The following DBF4B variants were observed in gnomAD, a reference collection of about 807,000 sequenced individuals.
DBF4B encodes protein DBF4 homolog B.
Under a neutral mutation model 53.4 loss-of-function variants are expected in DBF4B, and 49 were observed. The observed-to-expected ratio is 0.92, with a 90% CI of 0.73 to 1.16. DBF4B has a LOEUF of 1.16. Ranked by LOEUF, DBF4B falls within the 50% of genes most tolerant of loss-of-function variation. The pLI, the probability that DBF4B is intolerant of heterozygous loss-of-function variation, is 0.00. For synonymous variants in DBF4B, 257 were observed against 288.7 expected (o/e 0.89, Z 1.11); for missense variants, 692 against 775.0 (o/e 0.89, Z 1.27).
intron 6 of DBF4B, chr17:44,732,680 A>G (rs1974947571): frequency 6.2e-6 from 1 of 160,598 alleles, no homozygotes; most frequent in African/African-American, 2.4e-5. Flanking sequence ...AGCCTGACCA[A>G]CGTGGTGAAA....
In DBF4B at chr17:44,731,012, C is replaced by T. The variant is rs754338613; in HGVS notation, c.465C>T (p.Asn155=). The change falls in exon 5 of 14, where the codon AAC becomes AAT. Residue 155 remains asparagine, a synonymous_variant. Transcript: ENST00000315005. ...GKELLQKAIR[N]QGSISGGGSG... ...AGCTGCTGCAGAAGGCTATCAGAAA[C>T]CAGGTGAGCTGGGGCAAGATGGGAC... 7 of 1,613,950 alleles carry T rather than the reference C, an allele frequency of 4.3e-6. No individual in the cohort carries two copies. The East Asian group carries it at 8.9e-5, about 21-fold the overall frequency.
chr17:44,751,479 C>T lies in DBF4B; in HGVS notation c.*226C>T. The T allele has an allele frequency of 1.0e-5, 14 of 1,406,850 alleles. No individual in the cohort carries two copies. The highest frequency in any genetic ancestry group is 1.3e-5 in the Non-Finnish European group (14 of 1,085,256). The allele number at this position is 1,406,850 out of a possible 1,614,324, so 87.1% of individuals were successfully genotyped here. A position where few individuals can be genotyped will look rare whatever the true frequency, so the allele number is the denominator to read the frequency against. On this transcript the variant is annotated 3_prime_UTR_variant, in exon 14 of 14. Coordinates refer to ENST00000315005, the MANE Select transcript of DBF4B (RefSeq NM_145663.3). ...TTGCCGTTTCTTTCTGAAGAGGTGT[C>T]CTCCCTCCACAAGTCACACTGTCTG...
At chr17:44,734,453 A>C (rs931346194) in intron 7 of DBF4B, among the ~76,000 whole-genome samples, 2 of 152,214 alleles carry the variant, frequency 1.3e-5, no homozygotes, top group African/African-American at 4.8e-5. Context: ...TCTGGACCAG[A>C]TAAAGTTCAT....
At chr17:44,722,540 G>A (rs1973942761) in intron 2 of DBF4B, among the ~76,000 whole-genome samples, 1 of 152,138 alleles carries the variant, frequency 6.6e-6, no homozygotes. Context: ...GTGAATCTCG[G>A]CCCTCTTTTC....
intron 2 of DBF4B, among the ~76,000 whole-genome samples, chr17:44,720,924 TC>T: frequency 6.6e-6 from 1 of 151,984 alleles, no homozygotes; most frequent in African/African-American, 2.4e-5. Flanking sequence ...AGTAGTGTAA[TC>T]TTAACTCTTA....
In DBF4B at chr17:44,722,847, C is replaced by G. The variant is rs201402472; in HGVS notation, c.83-33C>G. On this transcript the variant is annotated intron_variant, in intron 2 of 13. Coordinates refer to ENST00000315005, the MANE Select transcript of DBF4B (RefSeq NM_145663.3). ...CTGGCTTCAGGACTCTCTTTTCAAA[C>G]TTCTTACTTTGCTCCTCTTTATTGT... The G allele has an allele frequency of 8.1e-6, 13 of 1,611,064 alleles. No individual in the cohort carries two copies. In the South Asian group the frequency reaches 1.3e-4, roughly 16 times the overall value.
At chr17:44,716,086 A>G (rs1027972743) in intron 2 of DBF4B, among the ~76,000 whole-genome samples, 3 of 151,954 alleles carry the variant, frequency 2.0e-5, no homozygotes, top group African/African-American at 4.8e-5. Context: ...GGCCTCCCAA[A>G]GTGCTGGGAT....
intron 3 of DBF4B, among the ~76,000 whole-genome samples, chr17:44,726,462 G>C (rs1352627852): frequency 1.3e-5 from 2 of 150,356 alleles, no homozygotes; most frequent in Non-Finnish European, 3.0e-5. Context: ...GGGTCTCGCT[G>C]TGTTGGTCAG....
At chr17:44,731,308 T>TCCG in intron 5 of DBF4B, 1 of 344,308 alleles carries the variant, frequency 2.9e-6, no homozygotes, top group Non-Finnish European at 5.6e-6. Flanking sequence ...GAAGCCAGAC[T>TCCG]TCTTTTACAA....
intron 10 of DBF4B, among the ~76,000 whole-genome samples, chr17:44,746,069 A>G (rs962567241): frequency 6.6e-6 from 1 of 150,710 alleles, no homozygotes. Flanking sequence ...AAAAAAAAAA[A>G]AAAAGAAAGA....
intron 2 of DBF4B, among the ~76,000 whole-genome samples, chr17:44,717,476 G>A (rs1345318139): frequency 6.6e-6 from 1 of 152,032 alleles, no homozygotes; most frequent in Non-Finnish European, 1.5e-5. Flanking sequence ...GGAGGCCAAG[G>A]CAGGGGAATC....
chr17:44,727,430 A>G lies in DBF4B; in HGVS notation c.226-2475A>G, dbSNP rs568563134. ...CAAGACTCTGTCTCAAAAAGAAAAA[A>G]AAAAGAAAACAGCATGATAGTGCTT... is the stretch of plus-strand genomic sequence containing the variant. On this transcript the variant is annotated intron_variant, in intron 3 of 13. Transcript: ENST00000315005. 2.1e-4 allele frequency among the ~76,000 whole-genome samples: 32 copies of G among 152,236 alleles called. No homozygotes were observed. The East Asian group carries it at 6.0e-3, about 28-fold the overall frequency.
chr17:44,722,412 G>A (rs1260219156), intron 2 of DBF4B, among the ~76,000 whole-genome samples: 3 of 152,106 alleles, frequency 2.0e-5, no homozygotes, highest in Non-Finnish European at 4.4e-5. Context: ...TAAGCTAGGC[G>A]GCAACACTGC....
intron 11 of DBF4B, 58 bp downstream of exon 11, chr17:44,747,249 C>A (rs2049128115): frequency 1.9e-6 from 3 of 1,601,720 alleles, no homozygotes; most frequent in Non-Finnish European, 2.6e-6. Flanking sequence ...AGCCTGCTCA[C>A]TGGGGATGAG....
intron 13 of DBF4B, 52 bp downstream of exon 13, chr17:44,748,517 G>A (rs187350780): frequency 1.8e-5 from 29 of 1,611,004 alleles, no homozygotes; most frequent in African/African-American, 1.7e-4. Flanking sequence ...CCAGCTGAAC[G>A]TGCAGGGACT....
intron 3 of DBF4B, among the ~76,000 whole-genome samples, chr17:44,726,328 A>ATTTATTTC (rs1974337586): frequency 6.7e-6 from 1 of 148,172 alleles, no homozygotes; most frequent in South Asian, 2.1e-4. Context: ...TTATTTATTT[A>ATTTATTTC]TTTATTTTTG....
chr17:44,748,823 G>A (rs747181885), intron 13 of DBF4B: 60 of 1,295,720 alleles, frequency 4.6e-5, no homozygotes, highest in South Asian at 1.5e-4. Flanking sequence ...AGTGGCAAGC[G>A]TCTTCCCTCT....
rs376327035 is a variant in DBF4B, at chr17:44,738,416, T to C, written c.705T>C (p.Asp235=). 2.9e-5 allele frequency: 47 copies of C among 1,613,588 alleles called. No individual in the cohort carries two copies. Among genetic ancestry groups the C allele is most frequent in the Non-Finnish European group, 3.8e-5 (45 of 1,179,696 alleles). Residue 235 remains aspartate (D), a synonymous_variant, in exon 9 of 14, where the codon GAT becomes GAC. Transcript: ENST00000315005. ...AGGCCCCGTTCCTCAAAATCGAAGA[T>C]GAAAGCAGGTGAGTGGGACCTCCTT... ...RLKAPFLKIE[D]ESRKFRPFHH...
At chr17:44,736,973 C>G in intron 8 of DBF4B, 107 bp downstream of exon 8, 2 of 1,336,496 alleles carry the variant, frequency 1.5e-6, no homozygotes, top group South Asian at 2.4e-5. Flanking sequence ...TGGCAGCAAG[C>G]GAGTCCAGGT....
Sources: allele counts gnomAD v4.1 joint callset (sites outside exome capture counted in the v4.1 genomes callset), GRCh38; gene constraint gnomAD v4.1.1; transcripts MANE v1.5; gene names NCBI Gene and HGNC (gene_info 2026-07-23, HGNC 2026-07-21).